PDE11A: variants seen among roughly 807,000 people sequenced by gnomAD.
PDE11A encodes the protein phosphodiesterase 11A, also known as dual 3',5'-cyclic-AMP and -GMP phosphodiesterase 11A.
Under a neutral mutation model 100.5 loss-of-function variants are expected in PDE11A, and 100 were observed. The observed-to-expected ratio is 1.00, with a 90% CI of 0.85 to 1.18. PDE11A has a LOEUF of 1.18. PDE11A is among the 50% of genes most tolerant of loss of function. The probability of loss-of-function intolerance (pLI) is 0.00; values close to 1 mark genes in which losing one functional copy is unlikely to be tolerated. For missense variants in PDE11A, 1,141 were observed against 1,152.6 expected, an observed-to-expected ratio of 0.99 and a Z score of 0.15; for synonymous variants, 381 against 420.8, an observed-to-expected ratio of 0.91 and a Z score of 1.16.
intron 9 of PDE11A, among the ~76,000 whole-genome samples, chr2:177,814,440 G>A (rs1173923790): frequency 6.6e-6 from 1 of 152,092 alleles, no homozygotes; most frequent in African/African-American, 2.4e-5. Context: ...AGGCCAGGGA[G>A]CGGGGTGGAT....
At chr2:177,659,242 C>G (rs565361411) in intron 19 of PDE11A, among the ~76,000 whole-genome samples, 21 of 104,548 alleles carry the variant, frequency 2.0e-4, no homozygotes, top group Non-Finnish European at 3.4e-4. Flanking sequence ...GCCTGGGCAA[C>G]AAGAGCAAAA....
chr2:178,082,075 T>A (rs990341895), intron 2 of PDE11A, among the ~76,000 whole-genome samples: 1 of 152,214 alleles, frequency 6.6e-6, no homozygotes. Context: ...TGATCTCAAT[T>A]TCCCTTTTGC....
intron 19 of PDE11A, among the ~76,000 whole-genome samples, chr2:177,642,696 C>T (rs2080161361): frequency 6.6e-6 from 1 of 152,122 alleles, no homozygotes; most frequent in Non-Finnish European, 1.5e-5. Context: ...TTGCTCTTGT[C>T]CCTATCTGTT....
At chr2:177,806,113 A>G (rs555114416) in intron 9 of PDE11A, among the ~76,000 whole-genome samples, 38 of 152,336 alleles carry the variant, frequency 2.5e-4, no homozygotes, top group Non-Finnish European at 4.4e-4. Context: ...AAGAGCCACA[A>G]ATGCAAAAGT....
rs1253492580 is a variant in PDE11A at position 177,624,280 on chromosome 2, A to T, written c.*5127T>A. 1.4e-5 allele frequency: 2 copies of T among 144,966 alleles called. No homozygotes were observed. The highest frequency in any genetic ancestry group is 2.5e-5 in the African/African-American group (1 of 39,822). The allele number at this position is 144,966 out of a possible 1,614,324, so 9.0% of individuals were successfully genotyped here. A position where few individuals can be genotyped will look rare whatever the true frequency, so the allele number is the denominator to read the frequency against. ...TGGTGGTTTTTTTTTTTTTCAGCCA[A>T]GGCATTTTTCTTTATATTTAAATCT... On this transcript the variant is annotated 3_prime_UTR_variant, in exon 20 of 20. Coordinates refer to ENST00000286063, the MANE Select transcript of PDE11A (RefSeq NM_016953.4).
intron 5 of PDE11A, among the ~76,000 whole-genome samples, chr2:177,872,932 G>T (rs1021456313): frequency 1.3e-5 from 2 of 152,162 alleles, no homozygotes; most frequent in East Asian, 1.9e-4. Flanking sequence ...TGAGATAAAT[G>T]AACATTCTAC....
At chr2:177,749,370 G>A (rs958760656) in intron 10 of PDE11A, among the ~76,000 whole-genome samples, 1 of 152,098 alleles carries the variant, frequency 6.6e-6, no homozygotes, top group East Asian at 1.9e-4. Context: ...AGCCACTGTA[G>A]GAGCTAATAT....
intron 17 of PDE11A, among the ~76,000 whole-genome samples, chr2:177,671,473 C>T (rs12618150): frequency 0.81 from 123,379 of 151,930 alleles, 50,848 homozygotes; most frequent in East Asian, 0.98. Context: ...AGAAAACATT[C>T]TGAAAGGGAA....
Position 178,085,222 on chromosome 2 carries a change from T to C in PDE11A, c.162+19080A>G, listed in dbSNP as rs113403478. 1.1e-3 allele frequency among the ~76,000 whole-genome samples: 167 copies of C among 152,302 alleles called. 1 individual carries two copies. Among genetic ancestry groups the C allele is most frequent in the African/African-American group, 3.7e-3 (154 of 41,554 alleles). On this transcript the variant is annotated intron_variant, in intron 2 of 20. Transcript: ENST00000358450. ...CTGCTATCACCAAAATATATGGCCC[T>C]ATATTCAATACCTGACAGAGAATGG... is the stretch of plus-strand genomic sequence containing the variant.
chr2:177,993,389 A>G (rs1322520830), intron 2 of PDE11A, among the ~76,000 whole-genome samples: 1 of 152,194 alleles, frequency 6.6e-6, no homozygotes, highest in Non-Finnish European at 1.5e-5. Context: ...AAAAATGTTT[A>G]GCTCTAAAAT....
At chr2:177,852,375 T>C (rs1194154735) in intron 5 of PDE11A, among the ~76,000 whole-genome samples, 1 of 123,888 alleles carries the variant, frequency 8.1e-6, no homozygotes, top group Non-Finnish European at 1.8e-5. Context: ...TTTTAATGCT[T>C]TGCAAACCAA....
At chr2:177,845,615 T>C (rs2083579697) in intron 5 of PDE11A, among the ~76,000 whole-genome samples, 1 of 150,556 alleles carries the variant, frequency 6.6e-6, no homozygotes, top group African/African-American at 2.4e-5. Flanking sequence ...CGCTCCTCAC[T>C]TCCCAGACGG....
chr2:177,626,193 G>A lies in PDE11A; in HGVS notation c.*3214C>T, dbSNP rs942113481. ...TTGTAGGGTTTATGCTATAAATTATGTTCCCCTTAGCAATATGTAGCATCA... is the reference window on the plus strand; with the variant it reads ...TTGTAGGGTTTATGCTATAAATTATATTCCCCTTAGCAATATGTAGCATCA... On this transcript the variant is annotated 3_prime_UTR_variant, in exon 20 of 20. Coordinates refer to ENST00000286063, the MANE Select transcript of PDE11A (RefSeq NM_016953.4). The A allele has an allele frequency of 2.0e-5, 3 of 152,752 alleles. No homozygotes were observed. The highest frequency in any genetic ancestry group is 4.4e-5 in the Non-Finnish European group (3 of 68,044). 9.5% of individuals were successfully genotyped at this position (152,752 alleles called of 1,614,324 possible). A position where few individuals can be genotyped will look rare whatever the true frequency, so the allele number is the denominator to read the frequency against.
chr2:177,669,443 A>T (rs1323449578), intron 18 of PDE11A, 50 bp downstream of exon 18: 2 of 830,904 alleles, frequency 2.4e-6, no homozygotes, highest in South Asian at 2.7e-5. Context: ...GTTCTTTTTG[A>T]AAATGTCATT....
chr2:177,700,450 C>A (rs1051976434), intron 14 of PDE11A, among the ~76,000 whole-genome samples: 8 of 149,902 alleles, frequency 5.3e-5, no homozygotes, highest in African/African-American at 2.0e-4. Flanking sequence ...GAAACAGATC[C>A]TTTCCTGGCA....
At chr2:178,046,216 G>T (rs1017501462) in intron 1 of PDE11A, among the ~76,000 whole-genome samples, 1 of 152,134 alleles carries the variant, frequency 6.6e-6, no homozygotes, top group African/African-American at 2.4e-5. Flanking sequence ...TTTTGGGGGG[G>T]TTGGTTGGTA....
At chr2:177,706,868 A>G (rs1337150539) in intron 13 of PDE11A, among the ~76,000 whole-genome samples, 1 of 149,316 alleles carries the variant, frequency 6.7e-6, no homozygotes, top group African/African-American at 2.4e-5. Flanking sequence ...TATACAAGCA[A>G]CCTGAGATTT....
intron 2 of PDE11A, among the ~76,000 whole-genome samples, chr2:177,956,684 G>A (rs1042082220): frequency 6.6e-6 from 1 of 152,216 alleles, no homozygotes; most frequent in Admixed American, 6.5e-5. Flanking sequence ...CGATAGACTG[G>A]ATTAAGAAAA....
chr2:177,642,945 C>T (rs142913576), intron 19 of PDE11A, among the ~76,000 whole-genome samples: 559 of 152,366 alleles, frequency 3.7e-3, no homozygotes, highest in African/African-American at 0.013. Context: ...TACAAGCTCT[C>T]TCTCTTTGCC....
Sources: gnomAD v4.1 joint callset for allele counts (sites outside exome capture counted in the v4.1 genomes callset) on GRCh38, gnomAD v4.1.1 for gene constraint, MANE v1.5 for transcripts, NCBI Gene and HGNC (gene_info 2026-07-23, HGNC 2026-07-21) for gene names.